Variants in TDP1 observed in about 807,000 individuals in gnomAD.
The protein encoded by TDP1 is tyr-DNA phosphodiesterase 1.
TDP1 carries 64 observed loss-of-function variants against 81.5 expected under a neutral mutation model. The observed-to-expected ratio is 0.79, with a 90% CI of 0.64 to 0.97. The LOEUF is 0.97. TDP1 is among the 50% of genes least tolerant of loss of function. The pLI is 0.00. For synonymous variants in TDP1, 256 were observed against 264.3 expected, an observed-to-expected ratio of 0.97 and a Z score of 0.30; for missense variants, 723 against 743.8, an observed-to-expected ratio of 0.97 and a Z score of 0.33.
intron 7 of TDP1, among the ~76,000 whole-genome samples, chr14:89,978,333 T>C (rs1402210943): frequency 2.6e-5 from 4 of 152,248 alleles, no homozygotes; most frequent in Admixed American, 2.6e-4. Context: ...GATTCCACAA[T>C]TGTAGAATGA....
At position 89,964,928 on chromosome 14, in the gene TDP1, T is replaced by C. The variant is rs111709431; in HGVS notation, c.560-1219T>C. ...CTGCACTTTAGAAAAGTGCCCAAGG[T>C]CGTAGAGCTGGTAATGACATTCTGG... On this transcript the variant is annotated intron_variant, in intron 3 of 16. Transcript: ENST00000335725. 3,941 of 414,954 alleles carry C rather than the reference T, an allele frequency of 9.5e-3. 130 individuals carry two copies. The highest frequency in any genetic ancestry group is 0.072 in the African/African-American group (3,442 of 47,998). 25.7% of individuals were successfully genotyped at this position (414,954 alleles called of 1,614,324 possible). A position where few individuals can be genotyped will look rare whatever the true frequency, so the allele number is the denominator to read the frequency against.
intron 1 of TDP1, 70 bp downstream of exon 1, chr14:89,956,040 C>G (rs2139871889): frequency 6.5e-6 from 1 of 152,822 alleles, no homozygotes; most frequent in East Asian, 1.9e-4. Flanking sequence ...GCCCGGGATC[C>G]TGCTCCTGGC....
intron 14 of TDP1, 158 bp from the exon 15 acceptor site, chr14:90,019,158 T>A: frequency 1.1e-6 from 1 of 903,834 alleles, no homozygotes; most frequent in Non-Finnish European, 1.3e-6. Context: ...CAGCAGATTT[T>A]AAATTCTCTT....
At chr14:89,957,720 A>G (rs561258030) in intron 2 of TDP1, among the ~76,000 whole-genome samples, 1 of 152,220 alleles carries the variant, frequency 6.6e-6, no homozygotes, top group Non-Finnish European at 1.5e-5. Context: ...CAGTGTCCTG[A>G]GCTAGCATTT....
chr14:89,963,708 T>C (rs1892605498), intron 3 of TDP1, 35 bp downstream of exon 3: 3 of 1,612,246 alleles, frequency 1.9e-6, no homozygotes, highest in Non-Finnish European at 1.7e-6. Context: ...AGCTGTTGAA[T>C]TGCCCTTGAG....
At chr14:90,009,361 G>T (rs1884426316) in intron 14 of TDP1, among the ~76,000 whole-genome samples, 1 of 152,216 alleles carries the variant, frequency 6.6e-6, no homozygotes, top group Non-Finnish European at 1.5e-5. Context: ...GTTGAAAGCA[G>T]AAAGGAAGCC....
chr14:90,029,194 ATTTTTT>A (rs539198642), intron 15 of TDP1, among the ~76,000 whole-genome samples: 1 of 116,214 alleles, frequency 8.6e-6, no homozygotes, highest in Non-Finnish European at 1.8e-5. Context: ...CCCTGCCATT[ATTTTTT>A]TTTTTTTTTT....
chr14:90,019,438 T>A lies in TDP1; in HGVS notation c.1644+20T>A. 7.8e-7 allele frequency: 1 copy of A among 1,284,088 alleles called. No homozygotes were observed. Among genetic ancestry groups the A allele is most frequent in the Non-Finnish European group, 1.1e-6 (1 of 878,956 alleles). 79.5% of individuals were successfully genotyped at this position (1,284,088 alleles called of 1,614,324 possible). A position where few individuals can be genotyped will look rare whatever the true frequency, so the allele number is the denominator to read the frequency against. On this transcript the variant is annotated intron_variant, in intron 15 of 16. Transcript: ENST00000335725. ...GCATTTGTAAGTTTACACTTCCAAC[T>A]GCACAGTGGGTCACATGGGAGATGA... is the stretch of plus-strand genomic sequence containing the variant.
intron 2 of TDP1, among the ~76,000 whole-genome samples, chr14:89,959,270 G>T (rs899128333): frequency 6.6e-6 from 1 of 152,232 alleles, no homozygotes; most frequent in Admixed American, 6.5e-5. Context: ...GAAGACAGAT[G>T]ATAAACAATT....
intron 10 of TDP1, among the ~76,000 whole-genome samples, chr14:89,986,636 T>G (rs966611816): frequency 6.6e-6 from 1 of 152,264 alleles, no homozygotes; most frequent in African/African-American, 2.4e-5. Flanking sequence ...ATTAGGTGCC[T>G]GTTTCCACTG....
At chr14:90,042,896 A>G in intron 16 of TDP1, 174 bp from the exon 17 acceptor site, 1 of 985,448 alleles carries the variant, frequency 1.0e-6, no homozygotes, top group Middle Eastern at 5.2e-4. Flanking sequence ...GTGTCCTAAT[A>G]GGAGCCTTCG....
At chr14:89,966,545 G>A (rs527649148) in intron 4 of TDP1, among the ~76,000 whole-genome samples, 1 of 152,358 alleles carries the variant, frequency 6.6e-6, no homozygotes, top group Non-Finnish European at 1.5e-5. Flanking sequence ...TATGGATAGA[G>A]TGGTGAAGGC....
intron 8 of TDP1, chr14:89,983,051 T>TTAAAAA: frequency 2.2e-6 from 1 of 451,220 alleles, no homozygotes; most frequent in Non-Finnish European, 4.4e-6. Flanking sequence ...TTGTGATGTG[T>TTAAAAA]TAAAAATGCC....
At chr14:90,036,546 A>G (rs983827431) in intron 16 of TDP1, among the ~76,000 whole-genome samples, 3 of 152,216 alleles carry the variant, frequency 2.0e-5, no homozygotes, top group African/African-American at 4.8e-5. Context: ...TGAAACCAAG[A>G]AAATGATCAA....
intron 11 of TDP1, chr14:89,989,494 G>C: frequency 3.3e-6 from 3 of 913,750 alleles, no homozygotes; most frequent in Non-Finnish European, 3.9e-6. Flanking sequence ...GAATTTCAAA[G>C]GAAAAAATAC....
chr14:90,003,987 T>C (rs1236482866), intron 14 of TDP1, among the ~76,000 whole-genome samples: 1 of 152,194 alleles, frequency 6.6e-6, no homozygotes, highest in Non-Finnish European at 1.5e-5. Context: ...CTTACAGATG[T>C]CATTGGGTAG....
chr14:90,015,753 C>G (rs893926902), intron 14 of TDP1, among the ~76,000 whole-genome samples: 2 of 152,142 alleles, frequency 1.3e-5, no homozygotes, highest in African/African-American at 4.8e-5. Flanking sequence ...TTCATGAGGA[C>G]CCCCTCCTCA....
At chr14:89,981,137 G>C (rs1894925392) in intron 8 of TDP1, among the ~76,000 whole-genome samples, 1 of 152,184 alleles carries the variant, frequency 6.6e-6, no homozygotes, top group South Asian at 2.1e-4. Flanking sequence ...AGTTGGGGTA[G>C]GGCCTGGTCA....
rs764510147 is a variant in TDP1 at position 89,985,133 on chromosome 14, G to GT, written c.1057dup (p.Tyr353LeufsTer17). The GT allele has an allele frequency of 1.2e-6, 2 of 1,608,294 alleles. No individual in the cohort carries two copies. Among genetic ancestry groups the GT allele is most frequent in the Admixed American group, 1.7e-5 (1 of 59,864 alleles). On this transcript the variant is annotated frameshift_variant and splice_region_variant, in exon 10 of 17. Transcript: ENST00000335725. LOFTEE classifies it high-confidence loss of function. Reference sequence around the variant, plus strand: ...ACTTGTGTTTTTATGTCTTTTTAGTGTTTATCTTATTGGTTCAACCCCAGG... The same window carrying GT: ...ACTTGTGTTTTTATGTCTTTTTAGTGTTTTATCTTATTGGTTCAACCCCAGG...
Sources: gnomAD v4.1 joint callset for allele counts (sites outside exome capture counted in the v4.1 genomes callset) on GRCh38, gnomAD v4.1.1 for gene constraint, MANE v1.5 for transcripts, NCBI Gene and HGNC (gene_info 2026-07-23, HGNC 2026-07-21) for gene names.